The following UBASH3B variants were observed in gnomAD, a reference collection of about 807,000 sequenced individuals.
UBASH3B encodes ubiquitin associated and SH3 domain containing B, also known as ubiquitin-associated and SH3 domain-containing protein B.
In UBASH3B, 37 loss-of-function variants were observed where a neutral mutation model predicts 83.4. The observed-to-expected ratio is 0.44, with a 90% CI of 0.34 to 0.58. The LOEUF is 0.58. UBASH3B is among the 20% of genes least tolerant of loss of function. UBASH3B has a pLI of 0.01. For missense variants in UBASH3B, 657 were observed against 827.2 expected (o/e 0.79, Z 2.52); for synonymous variants, 304 against 318.3 (o/e 0.96, Z 0.48).
At chr11:122,804,954 A>G (rs554752803) in intron 11 of UBASH3B, among the ~76,000 whole-genome samples, 41 of 152,350 alleles carry the variant, frequency 2.7e-4, no homozygotes, top group African/African-American at 9.4e-4. Flanking sequence ...GCAGGCCCCA[A>G]GGGCATTGGT....
At position 122,757,181 on chromosome 11, in the gene UBASH3B, G is replaced by C. The variant is rs184543921; in HGVS notation, c.162-19038G>C. ...CTGGGCATGTTACTGTAGATATTAT[G>C]GACTCAACATTTGTGTTCCCCCCAA... On this transcript the variant is annotated intron_variant, in intron 1 of 13. Transcript: ENST00000284273. 2.2e-3 allele frequency among the ~76,000 whole-genome samples: 334 copies of C among 152,276 alleles called. 2 individuals carry two copies. Among genetic ancestry groups the C allele is most frequent in the Non-Finnish European group, 3.0e-3 (206 of 68,008 alleles).
chr11:122,777,016 T>A lies in UBASH3B; in HGVS notation c.216-8T>A, dbSNP rs760288513. On this transcript the variant is annotated splice_polypyrimidine_tract_variant and splice_region_variant and intron_variant, in intron 2 of 13. Transcript: ENST00000284273. The stretch of plus-strand genomic sequence containing the variant: ...GCGACACCTTGTTGGCTTACTTCTG[T>A]CTTACAGGTTATTCTCCCATGTCGG... 8.8e-6 allele frequency: 14 copies of A among 1,595,540 alleles called. No homozygotes were observed. Among genetic ancestry groups the A allele is most frequent in the Non-Finnish European group, 1.2e-5 (14 of 1,170,508 alleles).
Position 122,656,016 on chromosome 11 carries a change from G to C in UBASH3B, c.-34G>C. ...CCTCCTTCCCGAACCATCCGGCTCGGGCTCCTTCCCTGGCGATGGCTGGCC... is the reference window on the plus strand; with the variant it reads ...CCTCCTTCCCGAACCATCCGGCTCGCGCTCCTTCCCTGGCGATGGCTGGCC... On this transcript the variant is annotated 5_prime_UTR_variant, in exon 1 of 14. Coordinates refer to ENST00000284273, the MANE Select transcript of UBASH3B (RefSeq NM_032873.5). 6.6e-7 allele frequency: 1 copy of C among 1,519,788 alleles called. No individual in the cohort carries two copies. The highest frequency in any genetic ancestry group is 1.2e-5 in the South Asian group (1 of 81,038). The allele number at this position is 1,519,788 out of a possible 1,614,324, so 94.1% of individuals were successfully genotyped here.
At chr11:122,665,414 A>G (rs1362845830) in intron 1 of UBASH3B, among the ~76,000 whole-genome samples, 2 of 151,824 alleles carry the variant, frequency 1.3e-5, no homozygotes. Context: ...GCTTGTCTCA[A>G]ACTCCTGGGC....
intron 1 of UBASH3B, among the ~76,000 whole-genome samples, chr11:122,757,792 C>T (rs12276856): frequency 0.14 from 20,618 of 146,390 alleles, 1,635 homozygotes; most frequent in Middle Eastern, 0.22. Context: ...CGGCTCACTG[C>T]AACCTTCGCC....
intron 1 of UBASH3B, among the ~76,000 whole-genome samples, chr11:122,725,596 C>T (rs1860724917): frequency 6.6e-6 from 1 of 152,134 alleles, no homozygotes. Flanking sequence ...CATCTTTAGA[C>T]AGTGTTGGAG....
rs1861469738 is a variant in UBASH3B, at chr11:122,812,596, T to A, written c.*2710T>A. The A allele has an allele frequency of 6.6e-6, 1 of 152,334 alleles. No homozygotes were observed. Among genetic ancestry groups the A allele is most frequent in the Non-Finnish European group, 1.5e-5 (1 of 68,038 alleles). 9.4% of individuals were successfully genotyped at this position (152,334 alleles called of 1,614,324 possible). On this transcript the variant is annotated 3_prime_UTR_variant, in exon 14 of 14. Coordinates refer to ENST00000284273, the MANE Select transcript of UBASH3B (RefSeq NM_032873.5). The stretch of plus-strand genomic sequence containing the variant: ...GTTTCTTGTACAGAGGAATTTTGTT[T>A]TAATGTAGAAAGTTATTTGAAATAA...
At chr11:122,752,280 T>C (rs892801592) in intron 1 of UBASH3B, among the ~76,000 whole-genome samples, 1 of 152,154 alleles carries the variant, frequency 6.6e-6, no homozygotes, top group Non-Finnish European at 1.5e-5. Context: ...TTGAGTGTTG[T>C]CTAGTGCTAT....
At chr11:122,768,506 GTGTATA>G (rs1459030913) in intron 1 of UBASH3B, among the ~76,000 whole-genome samples, 7 of 126,104 alleles carry the variant, frequency 5.6e-5, no homozygotes, top group African/African-American at 2.1e-4. Context: ...GTGTGTGTGT[GTGTATA>G]TATATATATT....
chr11:122,769,592 G>T (rs1463475685), intron 1 of UBASH3B, among the ~76,000 whole-genome samples: 1 of 152,222 alleles, frequency 6.6e-6, no homozygotes, highest in Non-Finnish European at 1.5e-5. Context: ...AGCAGCCTCA[G>T]AGCATCCTGT....
intron 1 of UBASH3B, among the ~76,000 whole-genome samples, chr11:122,751,181 A>G (rs922678420): frequency 1.3e-5 from 2 of 152,232 alleles, no homozygotes; most frequent in Non-Finnish European, 2.9e-5. Context: ...TTTTTAAGTT[A>G]CACCTGGCAG....
At chr11:122,784,209 C>T (rs1403856169) in intron 5 of UBASH3B, among the ~76,000 whole-genome samples, 3 of 152,140 alleles carry the variant, frequency 2.0e-5, no homozygotes, top group Non-Finnish European at 4.4e-5. Flanking sequence ...GCTGGGATTA[C>T]AAGCGTGAGC....
chr11:122,802,745 T>C (rs1861279954), intron 11 of UBASH3B, among the ~76,000 whole-genome samples: 1 of 152,146 alleles, frequency 6.6e-6, no homozygotes, highest in East Asian at 1.9e-4. Context: ...ATGAATACAC[T>C]TCACATTTTG....
At chr11:122,679,916 C>T (rs1293719367) in intron 1 of UBASH3B, among the ~76,000 whole-genome samples, 4 of 151,814 alleles carry the variant, frequency 2.6e-5, no homozygotes, top group Non-Finnish European at 5.9e-5. Flanking sequence ...CTGCAACCTC[C>T]GCCTCCCAAG....
intron 1 of UBASH3B, among the ~76,000 whole-genome samples, chr11:122,660,148 C>T (rs1863418016): frequency 6.6e-6 from 1 of 152,194 alleles, no homozygotes; most frequent in Non-Finnish European, 1.5e-5. Context: ...CTCTCTCTAG[C>T]TCATTACTCC....
In UBASH3B at chr11:122,744,871, C is replaced by CTGTGTGTGTG. The variant is rs1472956565; in HGVS notation, c.162-31347_162-31346insGTGTGTGTGT. Among the ~76,000 whole-genome samples the CTGTGTGTGTG allele has an allele frequency of 1.9e-4, 5 of 26,058 alleles. No homozygotes were observed. The East Asian group carries it at 3.3e-3, about 17-fold the overall frequency. 17.1% of individuals were successfully genotyped at this position (26,058 alleles called of 152,430 possible). ...GTGTTGAGTATGATCACATGTGTGA[C>CTGTGTGTGTG]TCTGTGTGTGTGTGTGTGTGTGTGT... On this transcript the variant is annotated intron_variant, in intron 1 of 13. Coordinates refer to ENST00000284273, the MANE Select transcript of UBASH3B (RefSeq NM_032873.5).
At chr11:122,779,926 A>ATTCCCTAACACCCAAGTTGAAGT (rs1278899188) in intron 4 of UBASH3B, among the ~76,000 whole-genome samples, 1 of 152,200 alleles carries the variant, frequency 6.6e-6, no homozygotes, top group Non-Finnish European at 1.5e-5. Flanking sequence ...TCTAAGGCTT[A>ATTCCCTAACACCCAAGTTGAAGT]TTCCCTAACA....
intron 1 of UBASH3B, among the ~76,000 whole-genome samples, chr11:122,748,351 T>A (rs1229096451): frequency 6.6e-6 from 1 of 152,222 alleles, no homozygotes; most frequent in African/African-American, 2.4e-5. Flanking sequence ...TGAACCCCCA[T>A]GTATCTTCAT....
intron 1 of UBASH3B, among the ~76,000 whole-genome samples, chr11:122,690,197 T>TCTCCA (rs1326877376): frequency 3.9e-5 from 1 of 25,646 alleles, no homozygotes; most frequent in African/African-American, 1.2e-4. Context: ...TATATATATA[T>TCTCCA]ATATATATAT....
Sources: allele counts gnomAD v4.1 joint callset (sites outside exome capture counted in the v4.1 genomes callset), GRCh38; gene constraint gnomAD v4.1.1; transcripts MANE v1.5; gene names NCBI Gene and HGNC (gene_info 2026-07-23, HGNC 2026-07-21).